Variants in OR2M3 observed in about 807,000 individuals in gnomAD.
The protein encoded by OR2M3 is olfactory receptor family 2 subfamily M member 3.
A neutral mutation model predicts 4.3 loss-of-function variants in OR2M3; 1 was observed. The observed-to-expected ratio is 0.23, with a 90% CI of 0.08 to 1.11. The LOEUF (loss-of-function observed/expected upper bound fraction) is 1.11. OR2M3 is among the 50% of genes most tolerant of loss of function. The pLI is 0.54. For missense variants in OR2M3, 410 were observed against 390.4 expected (o/e 1.05, Z -0.42); for synonymous variants, 151 against 139.4 (o/e 1.08, Z -0.59).
At position 248,203,772 on chromosome 1, in the gene OR2M3, C is replaced by T; in HGVS notation, c.705C>T (p.Arg235=). 1.2e-6 allele frequency: 2 copies of T among 1,612,540 alleles called. No individual in the cohort carries two copies. Among genetic ancestry groups the T allele is most frequent in the South Asian group, 1.1e-5 (1 of 91,004 alleles). Residue 235 remains arginine (R), a synonymous_variant, in exon 2 of 2, where the codon CGC becomes CGT. Coordinates refer to ENST00000641626, the MANE Select transcript of OR2M3 (RefSeq NM_001004689.2). The part of the protein sequence containing the change: ...VIHMGSGEGR[R]KAFTTCSSHL... ...ACATGGGATCTGGAGAGGGTCGTCG[C>T]AAAGCTTTTACTACTTGTTCCTCTC...
rs150590792 is a variant in OR2M3 at position 248,203,920 on chromosome 1, T to C, written c.853T>C (p.Leu285=). The C allele has an allele frequency of 3.7e-5, 59 of 1,613,934 alleles. No homozygotes were observed. The Admixed American group carries it at 4.5e-4, about 12-fold the overall frequency. The change falls in exon 2 of 2, where the codon TTG becomes CTG. Residue 285 remains leucine (L), a synonymous_variant. Coordinates refer to ENST00000641626, the MANE Select transcript of OR2M3 (RefSeq NM_001004689.2). Reference sequence around the variant, plus strand: ...ATTCTACACCATCCTCACTCCCATGTTGAATCCCCTCATCTACAGCCTCCG... The same window carrying C: ...ATTCTACACCATCCTCACTCCCATGCTGAATCCCCTCATCTACAGCCTCCG... The part of the protein sequence containing the change: ...SVFYTILTPM[L]NPLIYSLRNK...
chr1:248,202,979 C>A, intron 1 of OR2M3, 71 bp from the exon 2 acceptor site: 1 of 1,366,834 alleles, frequency 7.3e-7, no homozygotes, highest in Non-Finnish European at 1.0e-6. Context: ...ACAGAAGTTA[C>A]CACAATCACA....
intron 1 of OR2M3, among the ~76,000 whole-genome samples, chr1:248,199,046 G>C (rs936936670): frequency 6.6e-6 from 1 of 152,070 alleles, no homozygotes; most frequent in African/African-American, 2.4e-5. Flanking sequence ...TCGTCTTCCT[G>C]ATGTGATAAG....
chr1:248,203,546 T>A lies in OR2M3; in HGVS notation c.479T>A (p.Val160Asp). Residue 160 changes from valine to aspartate, a missense_variant, in exon 2 of 2, where the codon GTT becomes GAT. Coordinates refer to ENST00000641626, the MANE Select transcript of OR2M3 (RefSeq NM_001004689.2). ...GGCTCTACGGATGGAATTATTGATGTTGTAGCAACATTTTCCTTCTCCTAC... is the reference window on the plus strand; with the variant it reads ...GGCTCTACGGATGGAATTATTGATGATGTAGCAACATTTTCCTTCTCCTAC... ...ILGSTDGIIDVVATFSFSYCG... is the reference protein window; with the variant it reads ...ILGSTDGIIDDVATFSFSYCG... 6.2e-7 allele frequency: 1 copy of A among 1,613,826 alleles called. No homozygotes were observed. Among genetic ancestry groups the A allele is most frequent in the Non-Finnish European group, 8.5e-7 (1 of 1,179,810 alleles).
Position 248,204,090 on chromosome 1 carries a change from G to T in OR2M3, c.*84G>T. 7.7e-7 allele frequency: 1 copy of T among 1,300,764 alleles called. No individual in the cohort carries two copies. Among genetic ancestry groups the T allele is most frequent in the Non-Finnish European group, 1.1e-6 (1 of 910,540 alleles). The allele number at this position is 1,300,764 out of a possible 1,614,324, so 80.6% of individuals were successfully genotyped here. ...TTTTTCCATTAAGCCTTGAAAATGG[G>T]ATTCATTGTGTACATAAATCTGCAA... On this transcript the variant is annotated 3_prime_UTR_variant, in exon 2 of 2. Coordinates refer to ENST00000641626, the MANE Select transcript of OR2M3 (RefSeq NM_001004689.2).
chr1:248,203,112 G>A lies in OR2M3; in HGVS notation c.45G>A (p.Leu15=), dbSNP rs780648254. The A allele has an allele frequency of 6.8e-6, 11 of 1,613,778 alleles. No homozygotes were observed. Among genetic ancestry groups the A allele is most frequent in the Non-Finnish European group, 8.5e-6 (10 of 1,179,898 alleles). The change falls in exon 2 of 2, where the codon CTG becomes CTA. Residue 15 remains leucine, a synonymous_variant. Coordinates refer to ENST00000641626, the MANE Select transcript of OR2M3 (RefSeq NM_001004689.2). ...NSTFNSDFIL[L]GIFNHSPTHT... Reference sequence around the variant, plus strand: ...CCTTCAACTCCGACTTCATCCTCCTGGGAATCTTCAATCACAGCCCCACCC... The same window carrying A: ...CCTTCAACTCCGACTTCATCCTCCTAGGAATCTTCAATCACAGCCCCACCC...
In OR2M3 at chr1:248,205,009, A is replaced by G. The variant is rs995807350; in HGVS notation, c.*1003A>G. Reference sequence around the variant, plus strand: ...GAGGTGGTATTGCATTGTGGTTTTGATTTGCATTTCCCTGATAATTAGTGA... The same window carrying G: ...GAGGTGGTATTGCATTGTGGTTTTGGTTTGCATTTCCCTGATAATTAGTGA... On this transcript the variant is annotated 3_prime_UTR_variant, in exon 2 of 2. Coordinates refer to ENST00000641626, the MANE Select transcript of OR2M3 (RefSeq NM_001004689.2). 5 of 151,884 alleles carry G rather than the reference A, an allele frequency of 3.3e-5. No homozygotes were observed. The highest frequency in any genetic ancestry group is 1.2e-4 in the African/African-American group (5 of 41,320). 9.4% of individuals were successfully genotyped at this position (151,884 alleles called of 1,614,324 possible).
chr1:248,202,021 T>G (rs1027358967), intron 1 of OR2M3, among the ~76,000 whole-genome samples: 7 of 152,144 alleles, frequency 4.6e-5, no homozygotes, highest in African/African-American at 1.7e-4. Context: ...GAGGAGATAT[T>G]GGATGTATTA....
At chr1:248,198,687 T>A (rs1055380721) in intron 1 of OR2M3, among the ~76,000 whole-genome samples, 7 of 152,190 alleles carry the variant, frequency 4.6e-5, no homozygotes, top group African/African-American at 1.7e-4. Flanking sequence ...TTTCATGGTT[T>A]CTGTGTTACT....
chr1:248,202,310 C>T (rs12022705), intron 1 of OR2M3, among the ~76,000 whole-genome samples: 77,297 of 151,832 alleles, frequency 0.51, 21,141 homozygotes, highest in Non-Finnish European at 0.62. Flanking sequence ...TGCATGGCCA[C>T]CCTCTTATCA....
rs1469085928 is a variant in OR2M3 at position 248,207,691 on chromosome 1, T to C, written c.*3685T>C. On this transcript the variant is annotated 3_prime_UTR_variant, in exon 2 of 2. Transcript: ENST00000641626. The stretch of plus-strand genomic sequence containing the variant: ...GACAGTACTTGATATAATTTTGATT[T>C]TCTTAAATTCACTGAGACTTGTTTT... 1 of 152,116 alleles carries C rather than the reference T, an allele frequency of 6.6e-6. No homozygotes were observed. Among genetic ancestry groups the C allele is most frequent in the Admixed American group, 6.6e-5 (1 of 15,252 alleles). 9.4% of individuals were successfully genotyped at this position (152,116 alleles called of 1,614,324 possible). A position where few individuals can be genotyped will look rare whatever the true frequency, so the allele number is the denominator to read the frequency against.
intron 1 of OR2M3, among the ~76,000 whole-genome samples, chr1:248,202,252 T>C (rs76693873): frequency 0.01 from 1,533 of 148,812 alleles, 35 homozygotes; most frequent in African/African-American, 0.035. Context: ...TGCACCACTC[T>C]AATCCCTGCC....
chr1:248,201,121 A>C (rs1236604575), intron 1 of OR2M3, among the ~76,000 whole-genome samples: 1 of 152,136 alleles, frequency 6.6e-6, no homozygotes, highest in East Asian at 1.9e-4. Flanking sequence ...ATTTATAATT[A>C]TCTCATACAA....
At chr1:248,201,805 GA>G (rs1269861105) in intron 1 of OR2M3, among the ~76,000 whole-genome samples, 2 of 152,032 alleles carry the variant, frequency 1.3e-5, no homozygotes, top group African/African-American at 4.8e-5. Context: ...ATAGAATGAT[GA>G]GGCTGCATTT....
chr1:248,201,450 T>G (rs1269704314), intron 1 of OR2M3, among the ~76,000 whole-genome samples: 1 of 152,088 alleles, frequency 6.6e-6, no homozygotes, highest in Non-Finnish European at 1.5e-5. Flanking sequence ...TTTATTATTT[T>G]TATTATTATT....
rs1666296473 is a variant in OR2M3 at position 248,212,915 on chromosome 1, A to G, written c.*8909A>G. The G allele has an allele frequency of 6.6e-6, 1 of 151,860 alleles. No individual in the cohort carries two copies. Among genetic ancestry groups the G allele is most frequent in the South Asian group, 2.1e-4 (1 of 4,814 alleles). The allele number at this position is 151,860 out of a possible 1,614,324, so 9.4% of individuals were successfully genotyped here. The stretch of plus-strand genomic sequence containing the variant: ...TTATTCATATTATAAAGGATTATAT[A>G]TCTGTTGTGGGTGTGAATTATCTAG... On this transcript the variant is annotated 3_prime_UTR_variant, in exon 2 of 2. Coordinates refer to ENST00000641626, the MANE Select transcript of OR2M3 (RefSeq NM_001004689.2).
At position 248,207,988 on chromosome 1, in the gene OR2M3, C is replaced by T; in HGVS notation, c.*3982C>T. ...TAATTGTTTTATAAATTTGAGAGTT[C>T]CACTGTTATGTGCAAATATATTTTG... is the stretch of plus-strand genomic sequence containing the variant. On this transcript the variant is annotated 3_prime_UTR_variant, in exon 2 of 2. Coordinates refer to ENST00000641626, the MANE Select transcript of OR2M3 (RefSeq NM_001004689.2). 1 of 152,042 alleles carries T rather than the reference C, an allele frequency of 6.6e-6. No individual in the cohort carries two copies. The highest frequency in any genetic ancestry group is 2.1e-4 in the South Asian group (1 of 4,816). 9.4% of individuals were successfully genotyped at this position (152,042 alleles called of 1,614,324 possible).
chr1:248,199,685 T>C (rs1666135228), intron 1 of OR2M3, among the ~76,000 whole-genome samples: 1 of 152,092 alleles, frequency 6.6e-6, no homozygotes, highest in South Asian at 2.1e-4. Context: ...AATATTCACA[T>C]GGATCTTAAT....
In OR2M3 at chr1:248,203,005, T is replaced by A. The variant is rs1011241410; in HGVS notation, c.-18-45T>A. ...CACAATCACATGATTTATAAGGCAC[T>A]GAGTAAAGTTTTACCAAATTAATAC... On this transcript the variant is annotated intron_variant, in intron 1 of 1. Coordinates refer to ENST00000641626, the MANE Select transcript of OR2M3 (RefSeq NM_001004689.2). 4.0e-5 allele frequency: 61 copies of A among 1,515,688 alleles called. No homozygotes were observed. In the East Asian group the frequency reaches 1.3e-3, roughly 33 times the overall value. 93.9% of individuals were successfully genotyped at this position (1,515,688 alleles called of 1,614,324 possible). A position where few individuals can be genotyped will look rare whatever the true frequency, so the allele number is the denominator to read the frequency against.
Sources: gnomAD v4.1 joint callset for allele counts (sites outside exome capture counted in the v4.1 genomes callset) on GRCh38, gnomAD v4.1.1 for gene constraint, MANE v1.5 for transcripts, NCBI Gene and HGNC (gene_info 2026-07-23, HGNC 2026-07-21) for gene names.